RNFT2: variants seen among roughly 807,000 people sequenced by gnomAD.
RNFT2 encodes E3 ubiquitin-protein ligase RNFT2.
RNFT2 carries 36 observed loss-of-function variants against 53.0 expected under a neutral mutation model. That is an observed-to-expected ratio of 0.68 (90% confidence interval 0.52 to 0.90). The LOEUF is 0.90. Ranked by LOEUF, RNFT2 falls within the 40% of genes least tolerant of loss-of-function variation. The probability of loss-of-function intolerance (pLI) is 0.00; values close to 1 mark genes in which losing one functional copy is unlikely to be tolerated. For synonymous variants in RNFT2, 260 were observed against 253.2 expected, an observed-to-expected ratio of 1.03 and a Z score of -0.26; for missense variants, 514 against 585.6, an observed-to-expected ratio of 0.88 and a Z score of 1.26.
chr12:116,829,466 A>G (rs1305102840), intron 7 of RNFT2, among the ~76,000 whole-genome samples: 1 of 152,138 alleles, frequency 6.6e-6, no homozygotes. Context: ...TGGCCTCACA[A>G]CTGGAGGTGG....
chr12:116,815,235 C>T (rs1875591737), intron 7 of RNFT2, among the ~76,000 whole-genome samples: 2 of 152,220 alleles, frequency 1.3e-5, no homozygotes, highest in Non-Finnish European at 2.9e-5. Flanking sequence ...GATGCTCCAG[C>T]CATGCCATCC....
chr12:116,760,665 G>A (rs775464697), intron 5 of RNFT2, among the ~76,000 whole-genome samples: 16 of 152,204 alleles, frequency 1.1e-4, no homozygotes. Flanking sequence ...CACTTCCGCA[G>A]TTGGGGCATT....
intron 4 of RNFT2, among the ~76,000 whole-genome samples, chr12:116,753,154 T>TC (rs1190338530): frequency 2.1e-5 from 2 of 97,188 alleles, no homozygotes; most frequent in Non-Finnish European, 4.8e-5. Flanking sequence ...TTTTCTTTTT[T>TC]TTTTTTTTTT....
intron 7 of RNFT2, among the ~76,000 whole-genome samples, chr12:116,795,556 C>G (rs1386271075): frequency 2.6e-5 from 4 of 152,154 alleles, no homozygotes; most frequent in African/African-American, 9.7e-5. Flanking sequence ...CTCAGTTGCA[C>G]CAACCACGTT....
intron 3 of RNFT2, among the ~76,000 whole-genome samples, chr12:116,747,468 G>T (rs903145634): frequency 1.3e-5 from 2 of 152,014 alleles, no homozygotes; most frequent in Non-Finnish European, 2.9e-5. Context: ...GGAGTTTGAG[G>T]CTCTAGGGAG....
intron 3 of RNFT2, among the ~76,000 whole-genome samples, chr12:116,741,825 T>A (rs9668894): frequency 6.6e-6 from 1 of 152,034 alleles, no homozygotes; most frequent in African/African-American, 2.4e-5. Context: ...ATTTTTAAAA[T>A]TTTTTGGTAG....
intron 5 of RNFT2, chr12:116,755,508 C>G (rs766033845): frequency 4.8e-5 from 43 of 889,970 alleles, no homozygotes; most frequent in Non-Finnish European, 8.2e-5. Flanking sequence ...ACCCAGGTAC[C>G]TTTCTCTTCC....
At chr12:116,806,380 AAATATAT>A (rs1428379454) in intron 7 of RNFT2, among the ~76,000 whole-genome samples, 1 of 131,276 alleles carries the variant, frequency 7.6e-6, no homozygotes, top group African/African-American at 3.2e-5. Context: ...AAAAAAAAAA[AAATATAT>A]ATATATATAT....
chr12:116,814,331 T>C (rs1875530924), intron 7 of RNFT2, among the ~76,000 whole-genome samples: 1 of 152,080 alleles, frequency 6.6e-6, no homozygotes, highest in African/African-American at 2.4e-5. Flanking sequence ...CTGAAATCAG[T>C]AGGCAATATG....
chr12:116,772,363 G>A (rs1307067715), intron 6 of RNFT2, among the ~76,000 whole-genome samples: 1 of 152,190 alleles, frequency 6.6e-6, no homozygotes, highest in African/African-American at 2.4e-5. Context: ...CTGAAGTGCT[G>A]TGGTGCGATC....
intron 7 of RNFT2, among the ~76,000 whole-genome samples, chr12:116,822,343 T>G (rs1308473770): frequency 6.6e-6 from 1 of 151,982 alleles, no homozygotes; most frequent in Non-Finnish European, 1.5e-5. Flanking sequence ...TGTCTCTCTC[T>G]CTGTCTCTCT....
intron 7 of RNFT2, among the ~76,000 whole-genome samples, chr12:116,824,566 C>T (rs1032409911): frequency 2.0e-5 from 3 of 152,138 alleles, no homozygotes; most frequent in South Asian, 2.1e-4. Flanking sequence ...GTAGCAAGAG[C>T]ACCAGCCATC....
chr12:116,766,296 A>C (rs1178774959), intron 5 of RNFT2, among the ~76,000 whole-genome samples: 2 of 152,174 alleles, frequency 1.3e-5, no homozygotes, highest in Admixed American at 6.5e-5. Flanking sequence ...AATTTGATTT[A>C]ATCTTTAACA....
intron 10 of RNFT2, among the ~76,000 whole-genome samples, chr12:116,843,492 C>CAA (rs35687933): frequency 0.033 from 2,090 of 62,564 alleles, 98 homozygotes; most frequent in African/African-American, 0.085. Context: ...GACTGTGTCT[C>CAA]AAAAAAAAAA....
In RNFT2 at chr12:116,852,242, G is replaced by T; in HGVS notation, c.*2794G>T. 7.8e-7 allele frequency: 1 copy of T among 1,277,280 alleles called. No homozygotes were observed. The highest frequency in any genetic ancestry group is 9.9e-7 in the Non-Finnish European group (1 of 1,010,448). 79.1% of individuals were successfully genotyped at this position (1,277,280 alleles called of 1,614,324 possible). On this transcript the variant is annotated 3_prime_UTR_variant, in exon 11 of 11. Coordinates refer to ENST00000257575, the MANE Select transcript of RNFT2 (RefSeq NM_001382266.1). ...AAGCAATCTGTGTGGCTAGTGGGCA[G>T]ATTACCATGCAAGCCCCAGGAGAAA...
intron 5 of RNFT2, among the ~76,000 whole-genome samples, chr12:116,763,253 C>T (rs995827881): frequency 6.6e-6 from 1 of 151,794 alleles, no homozygotes; most frequent in Non-Finnish European, 1.5e-5. Flanking sequence ...ATACAAATGG[C>T]CAACAAACTT....
chr12:116,771,460 TAAAAAAAAAAAAAAA>T (rs35911608), intron 6 of RNFT2, among the ~76,000 whole-genome samples: 2,512 of 64,168 alleles, frequency 0.039, 127 homozygotes, highest in Middle Eastern at 0.1. Flanking sequence ...ATCCTATCGT[TAAAAAAAAAAAAAAA>T]AAAAAAAAAA....
chr12:116,843,034 T>C (rs910023838), intron 10 of RNFT2, among the ~76,000 whole-genome samples: 2 of 152,140 alleles, frequency 1.3e-5, no homozygotes, highest in African/African-American at 4.8e-5. Flanking sequence ...CAAAGCCTCT[T>C]CTCTCACATT....
At chr12:116,815,332 C>T (rs1337367461) in intron 7 of RNFT2, among the ~76,000 whole-genome samples, 3 of 152,176 alleles carry the variant, frequency 2.0e-5, no homozygotes, top group African/African-American at 7.2e-5. Flanking sequence ...AACCTTGTGG[C>T]TTAAAACAAC....
Sources: allele counts gnomAD v4.1 joint callset (sites outside exome capture counted in the v4.1 genomes callset), GRCh38; gene constraint gnomAD v4.1.1; transcripts MANE v1.5; gene names NCBI Gene and HGNC (gene_info 2026-07-23, HGNC 2026-07-21).